Variants in HS3ST2 observed in about 807,000 individuals in gnomAD.
The protein encoded by HS3ST2 is heparan sulfate glucosamine 3-O-sulfotransferase 2.
In HS3ST2, 17 loss-of-function variants were observed where a neutral mutation model predicts 26.3. That is an observed-to-expected ratio of 0.65 (90% CI 0.44 to 0.97). HS3ST2 has a LOEUF of 0.97. HS3ST2 is among the 50% of genes least tolerant of loss of function. The probability of loss-of-function intolerance (pLI) is 0.00; values close to 1 mark genes in which losing one functional copy is unlikely to be tolerated. For synonymous variants in HS3ST2, 237 were observed against 219.2 expected, an observed-to-expected ratio of 1.08 and a Z score of -0.72; for missense variants, 402 against 501.2, an observed-to-expected ratio of 0.80 and a Z score of 1.89.
chr16:22,883,052 C>T lies in HS3ST2; in HGVS notation c.486-31892C>T, dbSNP rs900193612. Among the ~76,000 whole-genome samples the T allele has an allele frequency of 4.0e-5, 6 of 151,896 alleles. No homozygotes were observed. The South Asian group carries it at 1.0e-3, about 26-fold the overall frequency. ...CTCAGAAAAAAAAAAAAAAAAGATT[C>T]CCAGACCATAGCAACATTCCTGCTA... is the stretch of plus-strand genomic sequence containing the variant. On this transcript the variant is annotated intron_variant, in intron 1 of 1. Coordinates refer to ENST00000261374, the MANE Select transcript of HS3ST2 (RefSeq NM_006043.2).
chr16:22,829,249 C>T (rs560311754), intron 1 of HS3ST2, among the ~76,000 whole-genome samples: 1 of 152,318 alleles, frequency 6.6e-6, no homozygotes, highest in South Asian at 2.1e-4. Context: ...GACGGCATCA[C>T]AAACTCAACA....
chr16:22,881,537 CA>C (rs1901990628), intron 1 of HS3ST2, among the ~76,000 whole-genome samples: 1 of 152,108 alleles, frequency 6.6e-6, no homozygotes, highest in African/African-American at 2.4e-5. Flanking sequence ...TGGAAAGAGC[CA>C]AAAGAAGCCA....
In HS3ST2 at chr16:22,905,624, G is replaced by C. The variant is rs115655137; in HGVS notation, c.486-9320G>C. On this transcript the variant is annotated intron_variant, in intron 1 of 1. Transcript: ENST00000261374. Reference sequence around the variant, plus strand: ...TCTCTTCTGCAAGTATTTTCTGAACGCTTACTAAGTACCAGCCTTTGTCCA... The same window carrying C: ...TCTCTTCTGCAAGTATTTTCTGAACCCTTACTAAGTACCAGCCTTTGTCCA... Among the ~76,000 whole-genome samples the C allele has an allele frequency of 5.2e-3, 789 of 152,076 alleles. 9 individuals are homozygous for C. The highest frequency in any genetic ancestry group is 0.018 in the African/African-American group (751 of 41,464).
intron 1 of HS3ST2, among the ~76,000 whole-genome samples, chr16:22,855,750 G>A (rs1037083326): frequency 1.3e-4 from 17 of 135,538 alleles, no homozygotes; most frequent in Non-Finnish European, 2.0e-4. Context: ...CACTTCATAC[G>A]CTGACTTCAT....
At chr16:22,852,587 C>A (rs1567488083) in intron 1 of HS3ST2, among the ~76,000 whole-genome samples, 1 of 152,182 alleles carries the variant, frequency 6.6e-6, no homozygotes, top group Non-Finnish European at 1.5e-5. Flanking sequence ...TTGTGTCATC[C>A]TCTTTCTTGC....
chr16:22,824,614 T>A (rs539914289), intron 1 of HS3ST2, among the ~76,000 whole-genome samples: 13 of 152,214 alleles, frequency 8.5e-5, no homozygotes, highest in Admixed American at 1.3e-4. Context: ...CTGGGTAGGA[T>A]GTCAATTTTG....
intron 1 of HS3ST2, among the ~76,000 whole-genome samples, chr16:22,890,925 A>G (rs1032209139): frequency 6.6e-6 from 1 of 152,248 alleles, no homozygotes; most frequent in Non-Finnish European, 1.5e-5. Context: ...TGGAGGCACC[A>G]GTAGACAGAA....
chr16:22,895,471 C>G (rs370506066), intron 1 of HS3ST2, among the ~76,000 whole-genome samples: 13 of 152,258 alleles, frequency 8.5e-5, no homozygotes, highest in African/African-American at 3.1e-4. Context: ...AGAATTTCTA[C>G]AGGAAGTAGA....
At chr16:22,818,424 A>C (rs959429482) in intron 1 of HS3ST2, among the ~76,000 whole-genome samples, 6 of 152,178 alleles carry the variant, frequency 3.9e-5, no homozygotes, top group Non-Finnish European at 8.8e-5. Flanking sequence ...GGAAAATTCT[A>C]TGATATATAA....
At chr16:22,872,884 C>G (rs1477511188) in intron 1 of HS3ST2, among the ~76,000 whole-genome samples, 1 of 152,150 alleles carries the variant, frequency 6.6e-6, no homozygotes, top group Non-Finnish European at 1.5e-5. Flanking sequence ...GACTTCCAGA[C>G]TTTCAACCAC....
intron 1 of HS3ST2, among the ~76,000 whole-genome samples, chr16:22,858,808 A>G (rs1490041923): frequency 6.6e-6 from 1 of 152,110 alleles, no homozygotes; most frequent in Non-Finnish European, 1.5e-5. Flanking sequence ...CAAGGTATGG[A>G]TTGCAAAGTA....
chr16:22,840,857 ACAACGTGCAGGT>A (rs1338040712), intron 1 of HS3ST2, among the ~76,000 whole-genome samples: 1 of 152,186 alleles, frequency 6.6e-6, no homozygotes, highest in Non-Finnish European at 1.5e-5. Context: ...GTACATGTGC[ACAACGTGCAGGT>A]TAGTTACATA....
chr16:22,860,750 AG>A (rs1740490203), intron 1 of HS3ST2, among the ~76,000 whole-genome samples: 1 of 151,982 alleles, frequency 6.6e-6, no homozygotes. Context: ...AGTGTATAAA[AG>A]TATGAAATAT....
chr16:22,882,815 G>A (rs755834284), intron 1 of HS3ST2, among the ~76,000 whole-genome samples: 50 of 152,088 alleles, frequency 3.3e-4, no homozygotes, highest in African/African-American at 8.0e-4. Context: ...GGTGGATCAC[G>A]AGGTCAAGAG....
intron 1 of HS3ST2, among the ~76,000 whole-genome samples, chr16:22,909,762 C>T (rs1299152329): frequency 2.0e-5 from 3 of 152,196 alleles, no homozygotes; most frequent in East Asian, 3.9e-4. Flanking sequence ...AAGGGTGGGC[C>T]GAGTGCGGAG....
intron 1 of HS3ST2, among the ~76,000 whole-genome samples, chr16:22,855,735 C>T (rs1323729653): frequency 9.3e-6 from 1 of 107,914 alleles, no homozygotes; most frequent in African/African-American, 3.6e-5. Flanking sequence ...TCTCTTTCTC[C>T]TCTCCACTTC....
At chr16:22,837,923 T>C (rs1303766800) in intron 1 of HS3ST2, among the ~76,000 whole-genome samples, 1 of 152,178 alleles carries the variant, frequency 6.6e-6, no homozygotes. Context: ...TTCAATTCTC[T>C]GCATATGCTT....
intron 1 of HS3ST2, among the ~76,000 whole-genome samples, chr16:22,857,769 C>G (rs576511609): frequency 2.2e-4 from 33 of 152,254 alleles, no homozygotes; most frequent in Middle Eastern, 6.8e-3. Flanking sequence ...TCTAAGATTT[C>G]TGGTAGGCTG....
At chr16:22,868,519 T>C (rs550578532) in intron 1 of HS3ST2, among the ~76,000 whole-genome samples, 1 of 152,252 alleles carries the variant, frequency 6.6e-6, no homozygotes, top group South Asian at 2.1e-4. Flanking sequence ...TTCCTTTACT[T>C]ATTCGACGTG....
Sources: gnomAD v4.1 joint callset for allele counts (sites outside exome capture counted in the v4.1 genomes callset) on GRCh38, gnomAD v4.1.1 for gene constraint, MANE v1.5 for transcripts, NCBI Gene and HGNC (gene_info 2026-07-23, HGNC 2026-07-21) for gene names.